The following COX6C variants were observed in gnomAD, a reference collection of about 807,000 sequenced individuals.
COX6C encodes the protein cytochrome c oxidase polypeptide VIc.
In COX6C, 3 loss-of-function variants were observed where a neutral mutation model predicts 6.9. The ratio of observed to expected loss-of-function variants is 0.43; its 90% CI spans 0.20 to 1.12. The LOEUF is 1.12. Ranked by LOEUF, COX6C falls within the 50% of genes most tolerant of loss-of-function variation. The probability of loss-of-function intolerance (pLI) is 0.27; values close to 1 mark genes in which losing one functional copy is unlikely to be tolerated. For synonymous variants in COX6C, 32 were observed against 32.0 expected, an observed-to-expected ratio of 1.00 and a Z score of 0.00; for missense variants, 101 against 97.3, an observed-to-expected ratio of 1.04 and a Z score of -0.16.
chr8:99,887,734 C>A, intron 2 of COX6C, 116 bp from the exon 3 acceptor site: 1 of 620,032 alleles, frequency 1.6e-6, no homozygotes, highest in Non-Finnish European at 2.6e-6. Flanking sequence ...TTAATTTAAA[C>A]CCTACATTTC....
intron 1 of COX6C, among the ~76,000 whole-genome samples, chr8:99,892,416 A>C (rs1818069161): frequency 1.3e-5 from 2 of 152,148 alleles, no homozygotes; most frequent in Non-Finnish European, 2.9e-5. Flanking sequence ...ATTCAGGAAT[A>C]AGATTTGGGT....
chr8:99,892,201 A>G (rs1200859445), intron 1 of COX6C, 149 bp from the exon 2 acceptor site: 1 of 581,730 alleles, frequency 1.7e-6, no homozygotes, highest in African/African-American at 1.9e-5. Context: ...TTTTTGGCAG[A>G]AACAGGGTCT....
intron 3 of COX6C, among the ~76,000 whole-genome samples, chr8:99,883,693 T>C (rs1817903131): frequency 6.6e-6 from 1 of 152,030 alleles, no homozygotes; most frequent in Non-Finnish European, 1.5e-5. Context: ...AGGCCAGCAT[T>C]ATCCTGATAT....
intron 3 of COX6C, among the ~76,000 whole-genome samples, chr8:99,882,359 G>T (rs1165851755): frequency 6.6e-6 from 1 of 152,150 alleles, no homozygotes; most frequent in Non-Finnish European, 1.5e-5. Flanking sequence ...TAAAAGACTG[G>T]AAATCATACA....
chr8:99,880,646 C>G (rs1355075605), intron 3 of COX6C, among the ~76,000 whole-genome samples: 3 of 151,896 alleles, frequency 2.0e-5, no homozygotes, highest in Non-Finnish European at 4.4e-5. Flanking sequence ...GCAGTAGGAT[C>G]ACCTGAGCCT....
intron 3 of COX6C, among the ~76,000 whole-genome samples, chr8:99,881,177 C>T (rs1182541743): frequency 2.0e-5 from 3 of 152,004 alleles, no homozygotes; most frequent in Admixed American, 6.6e-5. Flanking sequence ...CTGGCCAACA[C>T]GGTGAAATCC....
intron 2 of COX6C, among the ~76,000 whole-genome samples, chr8:99,890,818 CAG>C (rs1159600109): frequency 1.3e-5 from 2 of 152,224 alleles, no homozygotes; most frequent in Admixed American, 6.5e-5. Flanking sequence ...CCACATTAGG[CAG>C]AGTGTTAAAA....
At chr8:99,885,289 T>C (rs1216996146) in intron 3 of COX6C, among the ~76,000 whole-genome samples, 4 of 152,230 alleles carry the variant, frequency 2.6e-5, no homozygotes, top group Non-Finnish European at 5.9e-5. Flanking sequence ...GCTCATCTCT[T>C]ACTATGTCTA....
chr8:99,889,154 C>T (rs1817994038), intron 2 of COX6C, among the ~76,000 whole-genome samples: 1 of 152,150 alleles, frequency 6.6e-6, no homozygotes, highest in African/African-American at 2.4e-5. Context: ...TTACTTCATG[C>T]CCACTATATA....
At chr8:99,885,769 C>G (rs1817935311) in intron 3 of COX6C, among the ~76,000 whole-genome samples, 1 of 151,990 alleles carries the variant, frequency 6.6e-6, no homozygotes, top group Non-Finnish European at 1.5e-5. Context: ...GCACACAGAA[C>G]AAAAATAAAA....
intron 3 of COX6C, among the ~76,000 whole-genome samples, chr8:99,885,286 TCTTA>T (rs1382315860): frequency 2.0e-5 from 3 of 152,246 alleles, no homozygotes; most frequent in Admixed American, 6.5e-5. Context: ...GTTGCTCATC[TCTTA>T]CTATGTCTAA....
chr8:99,881,378 T>C (rs1044477029), intron 3 of COX6C, among the ~76,000 whole-genome samples: 2 of 149,904 alleles, frequency 1.3e-5, no homozygotes, highest in African/African-American at 4.9e-5. Flanking sequence ...AAAAAAAAAA[T>C]TGGTTTGTAA....
chr8:99,888,131 A>T (rs148695828), intron 2 of COX6C, among the ~76,000 whole-genome samples: 4,644 of 151,136 alleles, frequency 0.031, 93 homozygotes, highest in Non-Finnish European at 0.041. Flanking sequence ...ATAAAAAAAA[A>T]ATAAAAAATA....
Position 99,892,055 on chromosome 8 carries a change from T to A in COX6C, c.-31-3A>T, listed in dbSNP as rs879077766. On this transcript the variant is annotated splice_region_variant and splice_polypyrimidine_tract_variant and intron_variant, in intron 1 of 3. Coordinates refer to ENST00000520468, the MANE Select transcript of COX6C (RefSeq NM_004374.4). ...CTGTCCTTGATACGTATGCTAACCT[T>A]AAGAGATTCAGAAAATATGATTAAG... 5 of 1,483,084 alleles carry A rather than the reference T, an allele frequency of 3.4e-6. No homozygotes were observed. The highest frequency in any genetic ancestry group is 2.0e-5 in the Admixed American group (1 of 49,646). The allele number at this position is 1,483,084 out of a possible 1,614,324, so 91.9% of individuals were successfully genotyped here. A position where few individuals can be genotyped will look rare whatever the true frequency, so the allele number is the denominator to read the frequency against.
At chr8:99,886,114 GCA>G (rs1817939530) in intron 3 of COX6C, 1 of 152,214 alleles carries the variant, frequency 6.6e-6, no homozygotes, top group South Asian at 2.1e-4. Flanking sequence ...ATTATGCCAG[GCA>G]CAGTGGCTCA....
intron 3 of COX6C, 35 bp downstream of exon 3, chr8:99,887,455 A>T (rs757227218): frequency 1.5e-6 from 2 of 1,297,428 alleles, no homozygotes; most frequent in South Asian, 1.5e-5. Flanking sequence ...ACAATTAGAA[A>T]TTTTTTTTTA....
chr8:99,892,070 A>C lies in COX6C; in HGVS notation c.-31-18T>G. The C allele has an allele frequency of 7.0e-7, 1 of 1,418,934 alleles. No individual in the cohort carries two copies. The highest frequency in any genetic ancestry group is 9.7e-7 in the Non-Finnish European group (1 of 1,027,338). 87.9% of individuals were successfully genotyped at this position (1,418,934 alleles called of 1,614,324 possible). A position where few individuals can be genotyped will look rare whatever the true frequency, so the allele number is the denominator to read the frequency against. On this transcript the variant is annotated intron_variant, in intron 1 of 3. Coordinates refer to ENST00000520468, the MANE Select transcript of COX6C (RefSeq NM_004374.4). Reference sequence around the variant, plus strand: ...ATGCTAACCTTAAGAGATTCAGAAAATATGATTAAGTACAGAGTTTATTTA... The same window carrying C: ...ATGCTAACCTTAAGAGATTCAGAAACTATGATTAAGTACAGAGTTTATTTA...
chr8:99,878,770 A>G (rs937430847), intron 3 of COX6C: 4 of 152,182 alleles, frequency 2.6e-5, no homozygotes, highest in Non-Finnish European at 5.9e-5. Flanking sequence ...AATTTTGAAA[A>G]TTTCAAAGTT....
At chr8:99,882,992 T>C (rs1046658808) in intron 3 of COX6C, among the ~76,000 whole-genome samples, 1 of 152,158 alleles carries the variant, frequency 6.6e-6, no homozygotes, top group African/African-American at 2.4e-5. Flanking sequence ...TTCGCCATGT[T>C]GCCCAGGCTG....
Sources: allele counts gnomAD v4.1 joint callset (sites outside exome capture counted in the v4.1 genomes callset), GRCh38; gene constraint gnomAD v4.1.1; transcripts MANE v1.5; gene names NCBI Gene and HGNC (gene_info 2026-07-23, HGNC 2026-07-21).